The following STK3 variants were observed in gnomAD, a reference collection of about 807,000 sequenced individuals.
STK3 encodes the protein serine/threonine-protein kinase 3.
A neutral mutation model predicts 58.0 loss-of-function variants in STK3; 41 were observed. The observed-to-expected ratio is 0.71, with a 90% CI of 0.55 to 0.92. The LOEUF is 0.92. Among genes scored for constraint, STK3 ranks in the 40% least tolerant of loss-of-function variants. The pLI is 0.00. For synonymous variants in STK3, 170 were observed against 191.0 expected (o/e 0.89, Z 0.91); for missense variants, 479 against 602.7 (o/e 0.79, Z 2.15).
rs1215570516 is a variant in STK3 at position 98,749,271 on chromosome 8, C to T, written c.351+5G>A. On this transcript the variant is annotated splice_donor_5th_base_variant and intron_variant, in intron 4 of 10. Transcript: ENST00000419617. ...ATATTAGCAAAACAATTTTAAAATA[C>T]TTACTGTCTTGTTTCGTAATCTAAT... 2 of 1,580,656 alleles carry T rather than the reference C, an allele frequency of 1.3e-6. No individual in the cohort carries two copies. Among genetic ancestry groups the T allele is most frequent in the East Asian group, 4.5e-5 (2 of 44,564 alleles).
Position 98,668,988 on chromosome 8 carries a change from C to CTTT in STK3, c.684+37476_684+37478dup, listed in dbSNP as rs35407432. Among the ~76,000 whole-genome samples, 182 of 111,072 alleles carry CTTT rather than the reference C, an allele frequency of 1.6e-3. 6 individuals carry two copies. The highest frequency in any genetic ancestry group is 2.4e-3 in the African/African-American group (69 of 29,310). The allele number at this position is 111,072 out of a possible 152,430, so 72.9% of individuals were successfully genotyped here. ...ATTACACGTGCCAAATTAATCTTGT[C>CTTT]TTTTTTTTTTTTTTTTTTTTGAGAT... On this transcript the variant is annotated intron_variant, in intron 6 of 10. Transcript: ENST00000419617.
intron 3 of STK3, among the ~76,000 whole-genome samples, chr8:98,422,799 C>T (rs1013213652): frequency 1.3e-5 from 2 of 152,162 alleles, no homozygotes; most frequent in African/African-American, 4.8e-5. Context: ...ACACAGCTCT[C>T]GATCCGCACC....
rs946848134 is a variant in STK3 at position 98,799,739 on chromosome 8, C to G, written c.27-24920G>C. Among the ~76,000 whole-genome samples the G allele has an allele frequency of 5.9e-5, 9 of 152,270 alleles. No individual in the cohort carries two copies. In the South Asian group the frequency reaches 1.0e-3, roughly 18 times the overall value. On this transcript the variant is annotated intron_variant, in intron 1 of 10. Coordinates refer to ENST00000419617, the MANE Select transcript of STK3 (RefSeq NM_006281.4). ...CCCTACTTAATAGGGTTAGGAATGG[C>G]TACTGCTACAGGAACCGGAAGAGCC...
intron 4 of STK3, among the ~76,000 whole-genome samples, chr8:98,727,982 A>G (rs1340967071): frequency 1.3e-5 from 2 of 152,204 alleles, no homozygotes; most frequent in African/African-American, 4.8e-5. Context: ...TAAATCTCAA[A>G]AGTAATACTT....
chr8:98,692,891 G>A (rs1319445468), intron 6 of STK3, among the ~76,000 whole-genome samples: 2 of 151,814 alleles, frequency 1.3e-5, no homozygotes, highest in Non-Finnish European at 2.9e-5. Flanking sequence ...TTGAAAAATG[G>A]CCATCCTCAG....
Position 98,550,178 on chromosome 8 carries a change from G to T in STK3, c.949-2017C>A, listed in dbSNP as rs1412394220. On this transcript the variant is annotated intron_variant, in intron 8 of 10. Transcript: ENST00000419617. Reference sequence around the variant, plus strand: ...ATGTTGAGTTTCAGCAACTTGGGTTGTATAATATAACAACAGTTGGACAGC... The same window carrying T: ...ATGTTGAGTTTCAGCAACTTGGGTTTTATAATATAACAACAGTTGGACAGC... 2.0e-5 allele frequency among the ~76,000 whole-genome samples: 3 copies of T among 152,272 alleles called. No homozygotes were observed. The East Asian group carries it at 5.8e-4, about 29-fold the overall frequency.
At chr8:98,579,333 T>A (rs1813670700) in intron 8 of STK3, among the ~76,000 whole-genome samples, 1 of 152,200 alleles carries the variant, frequency 6.6e-6, no homozygotes, top group Non-Finnish European at 1.5e-5. Flanking sequence ...GCATAGCTGG[T>A]GACCAGTTAA....
In STK3 at chr8:98,886,680, G is replaced by A. The variant is rs547216023; in HGVS notation, c.-78-2846C>T. ...TTGTGCCCAGAAAAAGAGAGAAACA[G>A]TCATTTCTCATTATCCATAGGAGAT... On this transcript the variant is annotated intron_variant, in intron 1 of 1. Transcript: ENST00000519420. Among the ~76,000 whole-genome samples the A allele has an allele frequency of 5.9e-5, 9 of 152,254 alleles. No individual in the cohort carries two copies. In the South Asian group the frequency reaches 6.2e-4, roughly 11 times the overall value.
At chr8:98,345,006 C>T in the STK3 span, among the ~76,000 whole-genome samples, 1 of 149,642 alleles carries the variant, frequency 6.7e-6, no homozygotes, top group Non-Finnish European at 1.5e-5. Context: ...AGCTTGAATT[C>T]TATCTCCAAG....
At chr8:98,640,209 A>G (rs748047149) in intron 6 of STK3, among the ~76,000 whole-genome samples, 3 of 152,036 alleles carry the variant, frequency 2.0e-5, no homozygotes, top group Non-Finnish European at 4.4e-5. Flanking sequence ...ACAAGCCACT[A>G]TGCCAGGCTA....
At chr8:98,929,348 G>C (rs1178375132) in intron 1 of STK3, among the ~76,000 whole-genome samples, 1 of 152,074 alleles carries the variant, frequency 6.6e-6, no homozygotes, top group Non-Finnish European at 1.5e-5. Context: ...ATGAGTAACA[G>C]TGTTGTGATT....
rs145915637 is a variant in STK3 at position 98,686,438 on chromosome 8, C to T, written c.684+20029G>A. Among the ~76,000 whole-genome samples, 543 of 152,104 alleles carry T rather than the reference C, an allele frequency of 3.6e-3. 1 individual carries two copies. Among genetic ancestry groups the T allele is most frequent in the African/African-American group, 0.012 (484 of 41,500 alleles). On this transcript the variant is annotated intron_variant, in intron 6 of 10. Transcript: ENST00000419617. ...TATTAATGATTAAATTTAGTATTGA[C>T]GAAAACATGGGACTGTCCCATCATG... is the stretch of plus-strand genomic sequence containing the variant.
intron 3 of STK3, among the ~76,000 whole-genome samples, chr8:98,422,191 T>C (rs763202957): frequency 6.6e-6 from 1 of 152,140 alleles, no homozygotes; most frequent in African/African-American, 2.4e-5. Flanking sequence ...CCAGGAACAA[T>C]GCAAAAGCCA....
chr8:98,595,366 T>C (rs1815725252), intron 7 of STK3: 1 of 152,004 alleles, frequency 6.6e-6, no homozygotes. Context: ...GAAGTCCCTT[T>C]TTACAAGAAC....
intron 1 of STK3, among the ~76,000 whole-genome samples, chr8:98,813,552 C>A (rs1834357576): frequency 2.0e-5 from 3 of 152,170 alleles, no homozygotes. Context: ...AAGTTGGGCT[C>A]TTTGCCCAAA....
chr8:98,475,036 G>A (rs934290132), intron 10 of STK3, among the ~76,000 whole-genome samples: 3 of 152,072 alleles, frequency 2.0e-5, no homozygotes, highest in Non-Finnish European at 4.4e-5. Flanking sequence ...TTGTCATCAC[G>A]GTGACATACA....
chr8:98,590,463 G>C (rs1054823151), intron 7 of STK3, among the ~76,000 whole-genome samples: 20 of 152,198 alleles, frequency 1.3e-4, no homozygotes, highest in Admixed American at 4.6e-4. Flanking sequence ...AGTTCCAGGG[G>C]CTCTGGGAGT....
intron 3 of STK3, among the ~76,000 whole-genome samples, chr8:98,765,531 G>T (rs185934266): frequency 3.3e-5 from 5 of 152,276 alleles, no homozygotes; most frequent in Admixed American, 3.3e-4. Flanking sequence ...ACTACCCTGT[G>T]TCACCAGCTC....
intron 10 of STK3, among the ~76,000 whole-genome samples, chr8:98,512,730 C>T: frequency 6.6e-6 from 1 of 152,130 alleles, no homozygotes; most frequent in East Asian, 1.9e-4. Context: ...AGCATGAATT[C>T]TGAATGTTAG....
Sources: gnomAD v4.1 joint callset for allele counts (sites outside exome capture counted in the v4.1 genomes callset) on GRCh38, gnomAD v4.1.1 for gene constraint, MANE v1.5 for transcripts, NCBI Gene and HGNC (gene_info 2026-07-23, HGNC 2026-07-21) for gene names.